KLHL29: variants seen among roughly 807,000 people sequenced by gnomAD.
KLHL29 encodes the protein kelch-like protein 29.
Under a neutral mutation model 80.4 loss-of-function variants are expected in KLHL29, and 21 were observed. The ratio of observed to expected loss-of-function variants is 0.26; its 90% CI spans 0.19 to 0.38. The LOEUF is 0.38. Ranked by LOEUF, KLHL29 falls within the 10% of genes least tolerant of loss-of-function variation. The pLI, the probability that KLHL29 is intolerant of heterozygous loss-of-function variation, is 1.00. For synonymous variants in KLHL29, 511 were observed against 526.8 expected (o/e 0.97, Z 0.41); for missense variants, 867 against 1,223.9 (o/e 0.71, Z 4.35).
chr2:23,502,426 G>A (rs950560017), intron 2 of KLHL29, among the ~76,000 whole-genome samples: 2 of 152,224 alleles, frequency 1.3e-5, no homozygotes, highest in African/African-American at 4.8e-5. Context: ...GAGGGAGTCG[G>A]GTGTTTCAGC....
intron 1 of KLHL29, among the ~76,000 whole-genome samples, chr2:23,426,992 A>G (rs1458268699): frequency 2.0e-5 from 3 of 152,180 alleles, no homozygotes; most frequent in African/African-American, 7.2e-5. Flanking sequence ...TCTTTTATAG[A>G]GTGATGTGGA....
intron 2 of KLHL29, among the ~76,000 whole-genome samples, chr2:23,476,234 A>ATC (rs1664638614): frequency 6.6e-6 from 1 of 151,958 alleles, no homozygotes; most frequent in Non-Finnish European, 1.5e-5. Context: ...AGGAGGTTAG[A>ATC]TCTAGGGATG....
chr2:23,690,818 G>C (rs1364436697), intron 6 of KLHL29: 1 of 152,280 alleles, frequency 6.6e-6, no homozygotes, highest in African/African-American at 2.4e-5. Context: ...CCTTTGCAAT[G>C]GTTTTGTATT....
chr2:23,403,000 A>G (rs1428141064), intron 1 of KLHL29, among the ~76,000 whole-genome samples: 1 of 150,758 alleles, frequency 6.6e-6, no homozygotes, highest in Non-Finnish European at 1.5e-5. Flanking sequence ...TTCACTGTAG[A>G]CGTACTATAC....
At chr2:23,628,087 A>G (rs1200146212) in intron 3 of KLHL29, among the ~76,000 whole-genome samples, 4 of 151,456 alleles carry the variant, frequency 2.6e-5, no homozygotes, top group Non-Finnish European at 5.9e-5. Flanking sequence ...TAATTTTTGT[A>G]TTTTTAGTAG....
At chr2:23,617,189 C>T (rs1286373866) in intron 3 of KLHL29, 1 of 152,316 alleles carries the variant, frequency 6.6e-6, no homozygotes, top group Non-Finnish European at 1.5e-5. Context: ...CCGGCAGCCT[C>T]CTCCTTCAGC....
intron 1 of KLHL29, among the ~76,000 whole-genome samples, chr2:23,412,925 T>A (rs1666900978): frequency 6.6e-6 from 1 of 152,222 alleles, no homozygotes; most frequent in African/African-American, 2.4e-5. Flanking sequence ...CCTTTCATGT[T>A]GTAAACCACT....
At chr2:23,544,228 G>A (rs191815061) in intron 2 of KLHL29, among the ~76,000 whole-genome samples, 6 of 152,278 alleles carry the variant, frequency 3.9e-5, no homozygotes, top group East Asian at 1.9e-4. Context: ...GGATTGCAGC[G>A]TGCTTCATTC....
chr2:23,674,898 T>G (rs1021372146), intron 5 of KLHL29, among the ~76,000 whole-genome samples: 8 of 152,130 alleles, frequency 5.3e-5, no homozygotes, highest in Non-Finnish European at 8.8e-5. Context: ...TGCTCCCATC[T>G]GCCTTGGCCC....
intron 1 of KLHL29, among the ~76,000 whole-genome samples, chr2:23,421,524 TTGTGTGTGTG>T (rs57348539): frequency 0.024 from 3,390 of 143,578 alleles, 40 homozygotes; most frequent in Middle Eastern, 0.038. Flanking sequence ...TTAGACAAGA[TTGTGTGTGTG>T]TGTGTGTGTG....
chr2:23,473,677 C>T (rs1017482106), intron 1 of KLHL29, among the ~76,000 whole-genome samples: 1 of 152,186 alleles, frequency 6.6e-6, no homozygotes, highest in Non-Finnish European at 1.5e-5. Context: ...ATTAACCCGA[C>T]ATGAACTCTG....
intron 2 of KLHL29, among the ~76,000 whole-genome samples, chr2:23,549,846 C>CT: frequency 6.6e-6 from 1 of 152,240 alleles, no homozygotes; most frequent in Non-Finnish European, 1.5e-5. Flanking sequence ...CAGCAGGCTG[C>CT]TTGCATGGCG....
intron 3 of KLHL29, among the ~76,000 whole-genome samples, chr2:23,594,553 G>A (rs915797099): frequency 2.0e-5 from 3 of 152,252 alleles, no homozygotes; most frequent in Middle Eastern, 3.4e-3. Context: ...CTCTCCTGCC[G>A]TTTTCTCTGT....
At chr2:23,447,272 T>G (rs1292451618) in intron 1 of KLHL29, among the ~76,000 whole-genome samples, 1 of 152,142 alleles carries the variant, frequency 6.6e-6, no homozygotes, top group Non-Finnish European at 1.5e-5. Context: ...ACATGACGTG[T>G]TATCTCCCTC....
chr2:23,599,374 A>T (rs1425938461), intron 3 of KLHL29, among the ~76,000 whole-genome samples: 3 of 152,184 alleles, frequency 2.0e-5, no homozygotes, highest in African/African-American at 7.2e-5. Flanking sequence ...CATCCGTAAT[A>T]ACAAGAAGAA....
chr2:23,589,843 G>T (rs1021118938), intron 3 of KLHL29, among the ~76,000 whole-genome samples: 2 of 152,206 alleles, frequency 1.3e-5, no homozygotes, highest in African/African-American at 4.8e-5. Context: ...TTTAAAGGGG[G>T]TGCTAGTTCT....
At chr2:23,396,242 C>G (rs976881734) in intron 1 of KLHL29, among the ~76,000 whole-genome samples, 6 of 152,184 alleles carry the variant, frequency 3.9e-5, no homozygotes, top group African/African-American at 1.4e-4. Context: ...AGGGCTGCAT[C>G]CCCTGCGTTT....
At chr2:23,589,163 T>A (rs1261011935) in intron 3 of KLHL29, among the ~76,000 whole-genome samples, 1 of 152,270 alleles carries the variant, frequency 6.6e-6, no homozygotes, top group Non-Finnish European at 1.5e-5. Flanking sequence ...GAGGCAGAAA[T>A]GAGCCAGGCG....
At chr2:23,435,899 C>CT (rs769975340) in intron 1 of KLHL29, among the ~76,000 whole-genome samples, 13,993 of 135,384 alleles carry the variant, frequency 0.1, 1,416 homozygotes, top group East Asian at 0.27. Flanking sequence ...CTCTCTCTCT[C>CT]TTTTTTTTTT....
Sources: allele counts gnomAD v4.1 joint callset (sites outside exome capture counted in the v4.1 genomes callset), GRCh38; gene constraint gnomAD v4.1.1; transcripts MANE v1.5; gene names NCBI Gene and HGNC (gene_info 2026-07-23, HGNC 2026-07-21).